GGA2: variants seen among roughly 807,000 people sequenced by gnomAD.
GGA2 encodes ADP-ribosylation factor-binding protein GGA2.
A neutral mutation model predicts 79.5 loss-of-function variants in GGA2; 48 were observed. The ratio of observed to expected loss-of-function variants is 0.60; its 90% CI spans 0.48 to 0.77. The LOEUF (loss-of-function observed/expected upper bound fraction) is 0.77, where lower values mean the gene tolerates loss of function less well. GGA2 is among the 30% of genes least tolerant of loss of function. The pLI is 0.00. For missense variants in GGA2, 770 were observed against 774.0 expected, an observed-to-expected ratio of 0.99 and a Z score of 0.06; for synonymous variants, 317 against 302.0, an observed-to-expected ratio of 1.05 and a Z score of -0.51.
intron 13 of GGA2, 120 bp downstream of exon 13, chr16:23,478,248 G>T: frequency 1.1e-4 from 58 of 548,748 alleles, no homozygotes; most frequent in Non-Finnish European, 1.6e-4. Flanking sequence ...AAGAAAGAAA[G>T]AAAGATGTTT....
rs1031418985 is a variant in GGA2, at chr16:23,467,374, C to T, written c.*216G>A. The T allele has an allele frequency of 2.7e-5, 11 of 411,698 alleles. No individual in the cohort carries two copies. 25.5% of individuals were successfully genotyped at this position (411,698 alleles called of 1,614,324 possible). A position where few individuals can be genotyped will look rare whatever the true frequency, so the allele number is the denominator to read the frequency against. ...GCCGATATCCCAAGCCCTGTGCTAC[C>T]ACCCTCTCCCCGAACACACACACAC... On this transcript the variant is annotated 3_prime_UTR_variant, in exon 17 of 17. Coordinates refer to ENST00000309859, the MANE Select transcript of GGA2 (RefSeq NM_015044.4).
intron 5 of GGA2, among the ~76,000 whole-genome samples, chr16:23,490,031 G>C (rs991667825): frequency 1.3e-5 from 2 of 152,172 alleles, no homozygotes; most frequent in Non-Finnish European, 2.9e-5. Flanking sequence ...TCAGAACAGA[G>C]ACTGGCCCTG....
At chr16:23,499,684 G>C (rs1424107619) in intron 1 of GGA2, among the ~76,000 whole-genome samples, 1 of 152,138 alleles carries the variant, frequency 6.6e-6, no homozygotes, top group African/African-American at 2.4e-5. Context: ...GGATGGTCTC[G>C]ATCTCCTGAC....
intron 7 of GGA2, 65 bp from the exon 8 acceptor site, chr16:23,486,217 G>A: frequency 6.8e-7 from 1 of 1,467,648 alleles, no homozygotes. Flanking sequence ...CTGAACAAGG[G>A]ATGGGAAAGA....
At chr16:23,510,240 C>T (rs1965022650) in intron 1 of GGA2, 81 bp downstream of exon 1, 3 of 946,684 alleles carry the variant, frequency 3.2e-6, no homozygotes, top group African/African-American at 1.7e-5. Context: ...CCGCCCGCCC[C>T]GAAGCAAGGC....
intron 1 of GGA2, among the ~76,000 whole-genome samples, chr16:23,521,544 A>G (rs1316993685): frequency 6.6e-6 from 1 of 151,984 alleles, no homozygotes; most frequent in African/African-American, 2.4e-5. Context: ...GACTACAGGC[A>G]TATGTCACCT....
At chr16:23,486,612 G>A in intron 7 of GGA2, 98 bp downstream of exon 7, 1 of 795,518 alleles carries the variant, frequency 1.3e-6, no homozygotes, top group Admixed American at 1.7e-5. Context: ...TTTCTCCCAG[G>A]CAACCGTTCC....
rs375715462 is a variant in GGA2, at chr16:23,482,992, T to C, written c.811A>G (p.Arg271Gly). Reference sequence around the variant, plus strand: ...AGCGTGGGCCGCAGCTTTTCACACCTCTCATACACGACCTGAAAGAGCAGA... The same window carrying C: ...AGCGTGGGCCGCAGCTTTTCACACCCCTCATACACGACCTGAAAGAGCAGA... ...DQEALQVVYE[R>G]CEKLRPTLFR... Residue 271 changes from arginine to glycine, a missense_variant, in exon 9 of 17, where the codon AGG becomes GGG. By Grantham distance (125) the Arg-to-Gly change is moderately radical. Coordinates refer to ENST00000309859, the MANE Select transcript of GGA2 (RefSeq NM_015044.4). The C allele has an allele frequency of 6.2e-7, 1 of 1,609,988 alleles. No homozygotes were observed. The highest frequency in any genetic ancestry group is 1.1e-5 in the South Asian group (1 of 90,972).
At position 23,515,570 on chromosome 16, in the gene GGA2, C is replaced by T. The variant is rs1438492502; in HGVS notation, c.61+4017G>A. Among the ~76,000 whole-genome samples, 4 of 71,804 alleles carry T rather than the reference C, an allele frequency of 5.6e-5. No individual in the cohort carries two copies. In the Admixed American group the frequency reaches 7.4e-4, roughly 13 times the overall value. The allele number at this position is 71,804 out of a possible 152,430, so 47.1% of individuals were successfully genotyped here. ...TGAGATTGCACCACTGCACTCCAGC[C>T]TGCAAAAAAAAAAAAAAAAAAAATT... On this transcript the variant is annotated intron_variant, in intron 2 of 5. Transcript: ENST00000569300.
At chr16:23,478,248 GA>G (rs1964601135) in intron 13 of GGA2, 119 bp downstream of exon 13, 8 of 549,032 alleles carry the variant, frequency 1.5e-5, no homozygotes, top group Admixed American at 1.3e-4. Context: ...AAGAAAGAAA[GA>G]AAGATGTTTC....
intron 9 of GGA2, among the ~76,000 whole-genome samples, chr16:23,481,012 C>T (rs537459571): frequency 2.0e-5 from 3 of 152,304 alleles, no homozygotes; most frequent in Admixed American, 6.5e-5. Flanking sequence ...CCTGTACTGT[C>T]CAGAGTAATG....
intron 6 of GGA2, 49 bp from the exon 7 acceptor site, chr16:23,486,839 C>T (rs1383280454): frequency 9.5e-7 from 1 of 1,057,872 alleles, no homozygotes. Context: ...CTCCCTCAGG[C>T]CTAGAGCAGA....
chr16:23,475,153 AAC>A (rs370349546), intron 13 of GGA2, 92 bp from the exon 14 acceptor site: 6,168 of 621,102 alleles, frequency 9.9e-3, no homozygotes, highest in East Asian at 0.014. Flanking sequence ...AGGAAAAAAT[AAC>A]ACACACACAC....
intron 8 of GGA2, among the ~76,000 whole-genome samples, chr16:23,483,898 C>T (rs1194440646): frequency 5.3e-5 from 8 of 150,870 alleles, no homozygotes; most frequent in African/African-American, 1.5e-4. Context: ...CCGCCTGCCT[C>T]GGCCTCCCAA....
At chr16:23,511,775 T>C (rs866858253), upstream of GGA2, among the ~76,000 whole-genome samples, 1 of 152,174 alleles carries the variant, frequency 6.6e-6, no homozygotes, top group East Asian at 1.9e-4. Flanking sequence ...AAATATTTTA[T>C]TTAATTACAT....
At chr16:23,519,370 C>T (rs892766999) in intron 2 of GGA2, among the ~76,000 whole-genome samples, 16 of 152,148 alleles carry the variant, frequency 1.1e-4, no homozygotes, top group African/African-American at 2.7e-4. Context: ...TAAACAACAC[C>T]GAAAAAGAAC....
chr16:23,505,394 G>A (rs1386333308), intron 1 of GGA2, among the ~76,000 whole-genome samples: 1 of 152,142 alleles, frequency 6.6e-6, no homozygotes, highest in Non-Finnish European at 1.5e-5. Flanking sequence ...CAGGGACCCG[G>A]TTAAATGGAT....
At chr16:23,480,373 C>CT (rs1218296311) in intron 10 of GGA2, 10 of 389,670 alleles carry the variant, frequency 2.6e-5, no homozygotes, top group African/African-American at 2.0e-4. Flanking sequence ...TCTCTAGCTC[C>CT]TGTATGCAAG....
At chr16:23,495,371 GT>G (rs989485027) in intron 2 of GGA2, 8 of 188,724 alleles carry the variant, frequency 4.2e-5, no homozygotes, top group South Asian at 1.7e-4. Context: ...GCTATCCTGT[GT>G]TTTTTTTCCC....
Sources: allele counts gnomAD v4.1 joint callset (sites outside exome capture counted in the v4.1 genomes callset), GRCh38; gene constraint gnomAD v4.1.1; transcripts MANE v1.5; gene names NCBI Gene and HGNC (gene_info 2026-07-23, HGNC 2026-07-21).